The following RYR2 variants were observed in gnomAD, a reference collection of about 807,000 sequenced individuals.
The protein encoded by RYR2 is ryanodine receptor 2, also known as cardiac muscle ryanodine receptor-calcium release channel.
RYR2 carries 227 observed loss-of-function variants against 601.1 expected under a neutral mutation model. That is an observed-to-expected ratio of 0.38 (90% CI 0.34 to 0.42). RYR2 has a LOEUF of 0.42. Ranked by LOEUF, RYR2 falls within the 10% of genes least tolerant of loss-of-function variation. The pLI, the probability that RYR2 is intolerant of heterozygous loss-of-function variation, is 1.00. For synonymous variants in RYR2, 2,223 were observed against 2,175.1 expected (o/e 1.02, Z -0.61); for missense variants, 4,646 against 6,156.5 (o/e 0.75, Z 8.21).
chr1:237,440,961 C>G (rs1398200196), intron 12 of RYR2, among the ~76,000 whole-genome samples: 5 of 151,106 alleles, frequency 3.3e-5, no homozygotes, highest in Admixed American at 6.6e-5. Context: ...AATTAAATCT[C>G]TCTGTCCCCC....
intron 12 of RYR2, among the ~76,000 whole-genome samples, chr1:237,436,450 T>C (rs1299548367): frequency 7.7e-6 from 1 of 130,002 alleles, no homozygotes; most frequent in Non-Finnish European, 1.6e-5. Context: ...AATGTGTGAT[T>C]TTCCTTTTTT....
intron 80 of RYR2, chr1:237,743,749 G>A (rs571788569): frequency 4.7e-6 from 2 of 423,530 alleles, no homozygotes; most frequent in Admixed American, 2.6e-5. Flanking sequence ...CTTTCTACAA[G>A]TTTGTAGCTC....
At chr1:237,526,564 C>G (rs1667614018) in intron 24 of RYR2, among the ~76,000 whole-genome samples, 1 of 152,138 alleles carries the variant, frequency 6.6e-6, no homozygotes, top group Non-Finnish European at 1.5e-5. Flanking sequence ...CCAGACTGGT[C>G]TTGAACTCCT....
intron 17 of RYR2, among the ~76,000 whole-genome samples, chr1:237,478,180 T>C (rs530923374): frequency 2.2e-4 from 33 of 152,328 alleles, no homozygotes; most frequent in African/African-American, 7.0e-4. Flanking sequence ...CATTTTAAAA[T>C]CATTCTATTT....
chr1:237,562,029 G>A (rs1671509623), intron 27 of RYR2, among the ~76,000 whole-genome samples: 1 of 151,948 alleles, frequency 6.6e-6, no homozygotes, highest in African/African-American at 2.4e-5. Context: ...AAAGTCAAGG[G>A]CATAAAAAGT....
chr1:237,792,751 GC>G (rs1558426901), intron 94 of RYR2, among the ~76,000 whole-genome samples: 3 of 152,106 alleles, frequency 2.0e-5, no homozygotes, highest in African/African-American at 7.2e-5. Flanking sequence ...AGAGAATTTC[GC>G]CTATAACTTG....
At chr1:237,533,704 A>G (rs1668348157) in intron 25 of RYR2, among the ~76,000 whole-genome samples, 2 of 152,160 alleles carry the variant, frequency 1.3e-5, no homozygotes, top group Admixed American at 6.5e-5. Context: ...AAAACTAAAT[A>G]CATATTTTGG....
chr1:237,236,049 G>T (rs1366592137), intron 1 of RYR2, among the ~76,000 whole-genome samples: 1 of 152,102 alleles, frequency 6.6e-6, no homozygotes, highest in African/African-American at 2.4e-5. Context: ...CTTTTCCACA[G>T]TACGCAATCG....
At chr1:237,323,839 C>T (rs940424718) in intron 2 of RYR2, among the ~76,000 whole-genome samples, 7 of 152,122 alleles carry the variant, frequency 4.6e-5, no homozygotes, top group South Asian at 2.1e-4. Flanking sequence ...GATTTAAGAC[C>T]GGGGAAAACC....
intron 8 of RYR2, among the ~76,000 whole-genome samples, chr1:237,379,166 T>C (rs1236629943): frequency 6.6e-6 from 1 of 152,236 alleles, no homozygotes; most frequent in Non-Finnish European, 1.5e-5. Flanking sequence ...ACTTTTAATA[T>C]ATAAATTATA....
intron 2 of RYR2, among the ~76,000 whole-genome samples, chr1:237,277,925 T>TA (rs1467657953): frequency 1.3e-5 from 2 of 152,228 alleles, no homozygotes; most frequent in African/African-American, 4.8e-5. Flanking sequence ...CTATTTTTGA[T>TA]AATATTACTA....
intron 96 of RYR2, among the ~76,000 whole-genome samples, chr1:237,795,838 A>G (rs58763874): frequency 3.1e-3 from 113 of 36,812 alleles, no homozygotes; most frequent in East Asian, 7.0e-3. Context: ...GTGTGTGTGT[A>G]TATATATATA....
At chr1:237,742,385 A>G (rs370522923) in intron 80 of RYR2, 36 bp downstream of exon 80, 192 of 1,366,774 alleles carry the variant, frequency 1.4e-4, no homozygotes, top group Non-Finnish European at 1.5e-4. Context: ...CTTTCTTTCT[A>G]TCTTGAAACA....
chr1:237,635,960 A>G (rs931529109), intron 44 of RYR2, among the ~76,000 whole-genome samples: 17 of 152,234 alleles, frequency 1.1e-4, no homozygotes, highest in African/African-American at 3.4e-4. Flanking sequence ...CTTTCAGTCA[A>G]TGCTCCAAAG....
chr1:237,349,208 G>GT (rs1482822467), intron 3 of RYR2, among the ~76,000 whole-genome samples: 1 of 152,124 alleles, frequency 6.6e-6, no homozygotes. Flanking sequence ...AAAAGTAACT[G>GT]GAGGAGGGAA....
intron 1 of RYR2, among the ~76,000 whole-genome samples, chr1:237,227,387 G>C (rs1162296968): frequency 6.6e-6 from 1 of 152,184 alleles, no homozygotes; most frequent in South Asian, 2.1e-4. Flanking sequence ...AGCAGCCGTA[G>C]TCTATGCTAC....
chr1:237,310,178 G>A (rs1037865562), intron 2 of RYR2, among the ~76,000 whole-genome samples: 2 of 152,186 alleles, frequency 1.3e-5, no homozygotes, highest in South Asian at 2.1e-4. Context: ...GATTGGGAGC[G>A]CTTTTCTGTA....
intron 1 of RYR2, among the ~76,000 whole-genome samples, chr1:237,084,745 G>C (rs569755304): frequency 1.3e-5 from 2 of 152,192 alleles, no homozygotes; most frequent in East Asian, 3.9e-4. Flanking sequence ...GAATGTGCTA[G>C]TCCCTTTTTA....
intron 1 of RYR2, among the ~76,000 whole-genome samples, chr1:237,267,025 T>C (rs1021914015): frequency 3.9e-5 from 6 of 152,222 alleles, no homozygotes; most frequent in Non-Finnish European, 7.3e-5. Context: ...GTTGGTCTCA[T>C]ACATTGGATA....
Sources: gnomAD v4.1 joint callset for allele counts (sites outside exome capture counted in the v4.1 genomes callset) on GRCh38, gnomAD v4.1.1 for gene constraint, MANE v1.5 for transcripts, NCBI Gene and HGNC (gene_info 2026-07-23, HGNC 2026-07-21) for gene names.